The following DNAJC1 variants were observed in gnomAD, a reference collection of about 807,000 sequenced individuals.
The protein encoded by DNAJC1 is DnaJ heat shock protein family (Hsp40) member C1, also known as dnaJ homolog subfamily C member 1.
DNAJC1 carries 58 observed loss-of-function variants against 76.6 expected under a neutral mutation model. That is an observed-to-expected ratio of 0.76 (90% CI 0.61 to 0.94). DNAJC1 has a LOEUF of 0.94. DNAJC1 is among the 40% of genes least tolerant of loss of function. DNAJC1 has a pLI of 0.00. For missense variants in DNAJC1, 689 were observed against 677.3 expected (o/e 1.02, Z -0.19); for synonymous variants, 258 against 267.9 (o/e 0.96, Z 0.36).
chr10:21,804,943 G>A (rs952065893), intron 9 of DNAJC1, among the ~76,000 whole-genome samples: 4 of 152,152 alleles, frequency 2.6e-5, no homozygotes, highest in South Asian at 2.1e-4. Flanking sequence ...GAGCGCCAAC[G>A]TGACGGATTA....
chr10:21,918,993 A>C (rs1160965377), intron 5 of DNAJC1, 121 bp from the exon 6 acceptor site: 1 of 658,590 alleles, frequency 1.5e-6, no homozygotes, highest in Non-Finnish European at 2.7e-6. Context: ...TTCAACAAAA[A>C]AAATGAAGAA....
chr10:21,770,064 T>C (rs781417442), intron 9 of DNAJC1, among the ~76,000 whole-genome samples: 2 of 151,988 alleles, frequency 1.3e-5, no homozygotes, highest in African/African-American at 2.4e-5. Flanking sequence ...CCAAGTCACT[T>C]AGGCTCAAAA....
chr10:21,894,141 T>C (rs1003461457), intron 7 of DNAJC1, among the ~76,000 whole-genome samples: 2 of 152,244 alleles, frequency 1.3e-5, no homozygotes, highest in African/African-American at 4.8e-5. Context: ...TAAATAGCTC[T>C]ATAACTATAA....
At chr10:21,957,736 C>T (rs950694306) in intron 1 of DNAJC1, among the ~76,000 whole-genome samples, 4 of 152,128 alleles carry the variant, frequency 2.6e-5, no homozygotes, top group Non-Finnish European at 5.9e-5. Context: ...TAAATAAATA[C>T]ATACATTCTT....
chr10:21,763,424 A>G (rs909959656), intron 10 of DNAJC1, among the ~76,000 whole-genome samples: 5 of 152,198 alleles, frequency 3.3e-5, no homozygotes, highest in African/African-American at 1.2e-4. Flanking sequence ...TCTGTGCAAG[A>G]CTAGTTATAC....
intron 6 of DNAJC1, among the ~76,000 whole-genome samples, chr10:21,910,353 G>A (rs1193988631): frequency 6.6e-6 from 1 of 152,120 alleles, no homozygotes; most frequent in Non-Finnish European, 1.5e-5. Context: ...GATCTCTGGT[G>A]ATCCGCCCAC....
At chr10:21,984,880 TAC>T (rs1192442622) in intron 1 of DNAJC1, among the ~76,000 whole-genome samples, 1 of 152,240 alleles carries the variant, frequency 6.6e-6, no homozygotes, top group Non-Finnish European at 1.5e-5. Context: ...GTACTCAGTT[TAC>T]ACACAGTTGT....
intron 7 of DNAJC1, among the ~76,000 whole-genome samples, chr10:21,891,082 C>T (rs762964786): frequency 2.0e-5 from 3 of 151,860 alleles, no homozygotes; most frequent in Non-Finnish European, 4.4e-5. Flanking sequence ...CCCAGCTACT[C>T]AGGAGGCTGA....
chr10:21,818,052 C>T (rs1835103144), intron 8 of DNAJC1, among the ~76,000 whole-genome samples: 1 of 152,214 alleles, frequency 6.6e-6, no homozygotes, highest in Admixed American at 6.5e-5. Flanking sequence ...GTTCAGGGAA[C>T]AAGAGAGATA....
intron 1 of DNAJC1, among the ~76,000 whole-genome samples, chr10:21,993,471 G>A (rs1838360810): frequency 2.0e-5 from 3 of 152,256 alleles, no homozygotes; most frequent in East Asian, 3.9e-4. Flanking sequence ...GCAAAATACT[G>A]CAAGAACTCT....
intron 7 of DNAJC1, among the ~76,000 whole-genome samples, chr10:21,890,223 G>A (rs1166304000): frequency 1.3e-5 from 2 of 151,898 alleles, no homozygotes; most frequent in Non-Finnish European, 2.9e-5. Context: ...GACCAGCCTG[G>A]CCAACATGGT....
intron 1 of DNAJC1, among the ~76,000 whole-genome samples, chr10:21,956,604 A>T (rs1837688045): frequency 6.7e-6 from 1 of 149,812 alleles, no homozygotes. Flanking sequence ...TATATAAATT[A>T]TATAAATATA....
intron 1 of DNAJC1, among the ~76,000 whole-genome samples, chr10:21,962,623 A>G (rs1837815677): frequency 6.7e-6 from 1 of 149,348 alleles, no homozygotes; most frequent in Admixed American, 6.7e-5. Context: ...GCATGCCACC[A>G]CGCTCAGCTA....
At chr10:21,980,461 C>T (rs897806175) in intron 1 of DNAJC1, among the ~76,000 whole-genome samples, 2 of 152,066 alleles carry the variant, frequency 1.3e-5, no homozygotes. Flanking sequence ...ATTAGACAAA[C>T]CCAAACTGTG....
intron 8 of DNAJC1, among the ~76,000 whole-genome samples, chr10:21,869,215 CA>C (rs552376355): frequency 0.52 from 49,507 of 94,366 alleles, 10,552 homozygotes; most frequent in East Asian, 0.89. Context: ...GACCATATCT[CA>C]AAAAAAAAAA....
intron 9 of DNAJC1, among the ~76,000 whole-genome samples, chr10:21,784,712 A>T (rs184655110): frequency 6.6e-6 from 1 of 152,388 alleles, no homozygotes; most frequent in East Asian, 1.9e-4. Flanking sequence ...ATGGAATACT[A>T]TGTAGTCATA....
chr10:21,845,026 G>A (rs1305871191), intron 8 of DNAJC1, among the ~76,000 whole-genome samples: 1 of 152,174 alleles, frequency 6.6e-6, no homozygotes, highest in Admixed American at 6.5e-5. Flanking sequence ...GACAGAGTAT[G>A]AGACTCTGTC....
chr10:21,840,082 G>C (rs2131678302), intron 8 of DNAJC1, among the ~76,000 whole-genome samples: 1 of 152,268 alleles, frequency 6.6e-6, no homozygotes, highest in Middle Eastern at 3.4e-3. Context: ...CAATAAATTA[G>C]GTATTGATGG....
intron 1 of DNAJC1, among the ~76,000 whole-genome samples, chr10:21,979,284 C>T (rs1195923230): frequency 6.6e-6 from 1 of 151,920 alleles, no homozygotes; most frequent in Non-Finnish European, 1.5e-5. Flanking sequence ...GAGTGCAGCT[C>T]AAGAAGCTGC....
Sources: allele counts gnomAD v4.1 joint callset (sites outside exome capture counted in the v4.1 genomes callset), GRCh38; gene constraint gnomAD v4.1.1; transcripts MANE v1.5; gene names NCBI Gene and HGNC (gene_info 2026-07-23, HGNC 2026-07-21).